GRIN2A: variants seen among roughly 807,000 people sequenced by gnomAD.
GRIN2A encodes glutamate ionotropic receptor NMDA type subunit 2A, also known as glutamate receptor ionotropic, NMDA 2A.
A neutral mutation model predicts 113.4 loss-of-function variants in GRIN2A; 22 were observed. That is an observed-to-expected ratio of 0.19 (90% CI 0.14 to 0.28). GRIN2A has a LOEUF of 0.28. Ranked by LOEUF, GRIN2A falls within the 10% of genes least tolerant of loss-of-function variation. The probability of loss-of-function intolerance (pLI) is 1.00; values close to 1 mark genes in which losing one functional copy is unlikely to be tolerated. For missense variants in GRIN2A, 1,502 were observed against 1,887.0 expected (o/e 0.80, Z 3.78); for synonymous variants, 827 against 738.4 (o/e 1.12, Z -1.94).
intron 2 of GRIN2A, among the ~76,000 whole-genome samples, chr16:10,175,606 T>C (rs1160870931): frequency 6.6e-6 from 1 of 152,218 alleles, no homozygotes. Context: ...GCATTTGTCA[T>C]GTCAAATACA....
At chr16:9,982,662 A>G (rs775692888) in intron 2 of GRIN2A, among the ~76,000 whole-genome samples, 53 of 152,216 alleles carry the variant, frequency 3.5e-4, no homozygotes, top group Non-Finnish European at 6.0e-4. Flanking sequence ...ATGTATTTCA[A>G]TGCCCTGCAA....
At position 9,754,583 on chromosome 16, in the gene GRIN2A, A is replaced by G; in HGVS notation, c.*8566T>C. 4.7e-6 allele frequency: 1 copy of G among 212,800 alleles called. No individual in the cohort carries two copies. The highest frequency in any genetic ancestry group is 2.3e-5 in the African/African-American group (1 of 44,348). 13.2% of individuals were successfully genotyped at this position (212,800 alleles called of 1,614,324 possible). A position where few individuals can be genotyped will look rare whatever the true frequency, so the allele number is the denominator to read the frequency against. On this transcript the variant is annotated 3_prime_UTR_variant, in exon 13 of 13. Transcript: ENST00000330684. ...GAATCTTTTGTTTTTAAACTGAAAC[A>G]TTTACGTAAGTGGTCATGGCCCCAG...
chr16:10,006,208 C>A (rs954280701), intron 2 of GRIN2A, among the ~76,000 whole-genome samples: 1 of 152,240 alleles, frequency 6.6e-6, no homozygotes, highest in African/African-American at 2.4e-5. Context: ...GGCCCTTGGT[C>A]AGGACTGCAA....
chr16:10,018,168 G>A (rs12932835), intron 2 of GRIN2A, among the ~76,000 whole-genome samples: 16,626 of 152,210 alleles, frequency 0.11, 1,015 homozygotes, highest in Middle Eastern at 0.14. Context: ...AAAAGGAGAC[G>A]TGATCAGAAG....
chr16:9,768,880 G>A lies in GRIN2A; in HGVS notation c.2566C>T (p.Arg856Trp), dbSNP rs201072838. 6.2e-7 allele frequency: 1 copy of A among 1,613,994 alleles called. No homozygotes were observed. Among genetic ancestry groups the A allele is most frequent in the Non-Finnish European group, 8.5e-7 (1 of 1,179,842 alleles). ...CTGATGGAGAAGAGCAACCCAGGCC[G>A]GTCGGAGCACACGCCCGTGAAACAG... The part of the protein sequence containing the change: ...RFCFTGVCSD[R>W]PGLLFSISRG... Residue 856 changes from arginine to tryptophan, a missense_variant, in exon 12 of 13, where the codon CGG becomes TGG. This residue lies in a region of GRIN2A where 832 missense variants were observed against 789.7 expected (regional missense o/e 1.05). Coordinates refer to ENST00000330684, the MANE Select transcript of GRIN2A (RefSeq NM_001134407.3).
At chr16:9,941,742 T>C (rs2044884141) in intron 2 of GRIN2A, among the ~76,000 whole-genome samples, 1 of 152,132 alleles carries the variant, frequency 6.6e-6, no homozygotes, top group African/African-American at 2.4e-5. Context: ...GCTATGGTAA[T>C]AATGATCATA....
intron 2 of GRIN2A, among the ~76,000 whole-genome samples, chr16:10,095,998 C>T (rs1041108736): frequency 1.3e-5 from 2 of 152,136 alleles, no homozygotes; most frequent in Admixed American, 6.6e-5. Flanking sequence ...CTACTCATGA[C>T]ACAAGTTTAC....
chr16:9,988,106 T>C (rs1274744055), intron 2 of GRIN2A, among the ~76,000 whole-genome samples: 2 of 152,028 alleles, frequency 1.3e-5, no homozygotes, highest in African/African-American at 4.8e-5. Flanking sequence ...AACACCAACC[T>C]ACCACTTAGA....
chr16:10,089,339 G>C (rs921646931), intron 2 of GRIN2A, among the ~76,000 whole-genome samples: 1 of 152,168 alleles, frequency 6.6e-6, no homozygotes, highest in Admixed American at 6.5e-5. Flanking sequence ...CATATGTCTA[G>C]ATTCATTGAA....
rs1259244452 is a variant in GRIN2A, at chr16:10,135,739, G to A, written c.414+44259C>T. Among the ~76,000 whole-genome samples, 3 of 152,146 alleles carry A rather than the reference G, an allele frequency of 2.0e-5. No individual in the cohort carries two copies. The East Asian group carries it at 5.8e-4, about 29-fold the overall frequency. The stretch of plus-strand genomic sequence containing the variant: ...CATGAGCTAAACCTTCTCTCCTCAG[G>A]TGGAATTTACTCTTCAGAGAAGCCT... On this transcript the variant is annotated intron_variant, in intron 2 of 12. Coordinates refer to ENST00000330684, the MANE Select transcript of GRIN2A (RefSeq NM_001134407.3).
chr16:9,770,302 C>A (rs1320806000), intron 11 of GRIN2A, among the ~76,000 whole-genome samples: 1 of 152,096 alleles, frequency 6.6e-6, no homozygotes, highest in Non-Finnish European at 1.5e-5. Context: ...TGGGGACATG[C>A]AGAGAAAAAT....
chr16:10,108,208 G>A (rs1270164209), intron 2 of GRIN2A, among the ~76,000 whole-genome samples: 1 of 152,204 alleles, frequency 6.6e-6, no homozygotes, highest in Non-Finnish European at 1.5e-5. Flanking sequence ...AATCATGGTG[G>A]AAAGCAAGAA....
intron 2 of GRIN2A, among the ~76,000 whole-genome samples, chr16:10,063,581 A>C (rs927558047): frequency 2.0e-5 from 3 of 152,226 alleles, no homozygotes; most frequent in Non-Finnish European, 4.4e-5. Context: ...ATTTTCTGTC[A>C]TAAACCACCA....
At position 10,123,977 on chromosome 16, in the gene GRIN2A, T is replaced by C. The variant is rs572565339; in HGVS notation, c.414+56021A>G. On this transcript the variant is annotated intron_variant, in intron 2 of 12. Coordinates refer to ENST00000330684, the MANE Select transcript of GRIN2A (RefSeq NM_001134407.3). ...GAGCACTCAAGAGGTGAGCTGTTTC[T>C]GCCCTGGTGTAATCATCCCTCACAG... Among the ~76,000 whole-genome samples, 223 of 152,338 alleles carry C rather than the reference T, an allele frequency of 1.5e-3. 1 individual carries two copies. The highest frequency in any genetic ancestry group is 5.1e-3 in the African/African-American group (210 of 41,576).
chr16:10,159,501 C>A (rs1268760383), intron 2 of GRIN2A, among the ~76,000 whole-genome samples: 1 of 152,156 alleles, frequency 6.6e-6, no homozygotes, highest in Admixed American at 6.5e-5. Flanking sequence ...GCTTGGAGGG[C>A]TCTCGCCTGT....
chr16:9,927,113 T>C (rs1173164213), intron 3 of GRIN2A, among the ~76,000 whole-genome samples: 1 of 152,222 alleles, frequency 6.6e-6, no homozygotes, highest in African/African-American at 2.4e-5. Context: ...ATCATGATTT[T>C]TAATTGACCT....
intron 4 of GRIN2A, among the ~76,000 whole-genome samples, chr16:9,851,320 G>A (rs2042878916): frequency 6.6e-6 from 1 of 152,144 alleles, no homozygotes; most frequent in African/African-American, 2.4e-5. Flanking sequence ...GAGCAATTTG[G>A]TTAAACACAC....
intron 12 of GRIN2A, among the ~76,000 whole-genome samples, chr16:9,767,693 T>C (rs1183257130): frequency 1.3e-5 from 2 of 152,202 alleles, no homozygotes; most frequent in East Asian, 1.9e-4. Context: ...AACGAATGAA[T>C]GGACATATAG....
chr16:10,050,802 G>A lies in GRIN2A; in HGVS notation c.415-112251C>T, dbSNP rs539491912. Among the ~76,000 whole-genome samples the A allele has an allele frequency of 9.2e-5, 14 of 152,244 alleles. No homozygotes were observed. In the East Asian group the frequency reaches 2.5e-3, roughly 27 times the overall value. On this transcript the variant is annotated intron_variant, in intron 2 of 12. Coordinates refer to ENST00000330684, the MANE Select transcript of GRIN2A (RefSeq NM_001134407.3). The stretch of plus-strand genomic sequence containing the variant: ...GCCAAAAAGATTGAGGACCACTGCT[G>A]TAGAGACAGTGAATCATAATCTGAG...
Sources: allele counts gnomAD v4.1 joint callset (sites outside exome capture counted in the v4.1 genomes callset), GRCh38; gene constraint gnomAD v4.1.1; regional missense constraint gnomAD v4.1.1; transcripts MANE v1.5; gene names NCBI Gene and HGNC (gene_info 2026-07-23, HGNC 2026-07-21).